Variants in FGF14 observed in about 807,000 individuals in gnomAD.
FGF14 encodes the protein fibroblast growth factor 14.
FGF14 carries 5 observed loss-of-function variants against 25.5 expected under a neutral mutation model. The observed-to-expected ratio is 0.20, with a 90% CI of 0.10 to 0.41. FGF14 has a LOEUF of 0.41. FGF14 is among the 10% of genes least tolerant of loss of function. The pLI is 1.00. For synonymous variants in FGF14, 138 were observed against 118.3 expected (o/e 1.17, Z -1.08); for missense variants, 222 against 320.1 (o/e 0.69, Z 2.34).
chr13:101,943,820 A>ATATATATATATAT (rs1555324427), intron 1 of FGF14, among the ~76,000 whole-genome samples: 10 of 121,182 alleles, frequency 8.3e-5, no homozygotes, highest in African/African-American at 4.3e-4. Context: ...CTTAAAAAAA[A>ATATATATATATAT]AAAAAAATAT....
At chr13:102,055,737 C>T (rs2124993) in intron 1 of FGF14, among the ~76,000 whole-genome samples, 14,067 of 152,208 alleles carry the variant, frequency 0.092, 1,093 homozygotes, top group East Asian at 0.28. Context: ...CAGACCCAGC[C>T]TGCCTATTTT....
intron 1 of FGF14, among the ~76,000 whole-genome samples, chr13:102,338,345 G>A (rs2056848234): frequency 6.6e-6 from 1 of 152,172 alleles, no homozygotes; most frequent in Non-Finnish European, 1.5e-5. Flanking sequence ...AGCTTAGGAT[G>A]TAAACAGTTA....
intron 1 of FGF14, among the ~76,000 whole-genome samples, chr13:101,929,559 C>T (rs147160046): frequency 7.9e-4 from 120 of 152,246 alleles, no homozygotes; most frequent in South Asian, 5.4e-3. Flanking sequence ...AGCTATTTTC[C>T]ACATAGGTTT....
At chr13:101,834,414 A>G (rs2140293805) in intron 3 of FGF14, among the ~76,000 whole-genome samples, 1 of 152,226 alleles carries the variant, frequency 6.6e-6, no homozygotes, top group East Asian at 1.9e-4. Context: ...CCATAGCTAC[A>G]GAGAGTCACT....
At chr13:102,275,262 T>TCCCTCTCTC (rs1555391875) in intron 1 of FGF14, among the ~76,000 whole-genome samples, 1 of 68,916 alleles carries the variant, frequency 1.5e-5, no homozygotes, top group African/African-American at 5.0e-5. Context: ...CTCTCTCTCT[T>TCCCTCTCTC]TCTCTCTCTC....
intron 1 of FGF14, among the ~76,000 whole-genome samples, chr13:102,388,598 G>A (rs1401188817): frequency 6.6e-6 from 1 of 152,146 alleles, no homozygotes; most frequent in East Asian, 1.9e-4. Flanking sequence ...GTATGCCTTC[G>A]ATTCATCCCT....
At chr13:102,068,654 G>C (rs2043009952) in intron 1 of FGF14, among the ~76,000 whole-genome samples, 1 of 152,220 alleles carries the variant, frequency 6.6e-6, no homozygotes, top group Non-Finnish European at 1.5e-5. Flanking sequence ...TCCCCCAGCA[G>C]TGCCAGCCCA....
chr13:102,197,300 A>G (rs1456063833), intron 1 of FGF14, among the ~76,000 whole-genome samples: 1 of 152,182 alleles, frequency 6.6e-6, no homozygotes, highest in African/African-American at 2.4e-5. Flanking sequence ...AACAATTTCA[A>G]GACCCAGAGC....
At chr13:102,137,760 T>C (rs867456863) in intron 1 of FGF14, among the ~76,000 whole-genome samples, 2 of 152,088 alleles carry the variant, frequency 1.3e-5, no homozygotes, top group Non-Finnish European at 2.9e-5. Flanking sequence ...TCTTGTACTA[T>C]TGTGTTATTG....
At chr13:102,283,876 T>G (rs75884941) in intron 1 of FGF14, among the ~76,000 whole-genome samples, 3,057 of 152,312 alleles carry the variant, frequency 0.02, 106 homozygotes, top group African/African-American at 0.069. Context: ...TCTCATTTCC[T>G]CTGTAAAATG....
intron 1 of FGF14, among the ~76,000 whole-genome samples, chr13:102,143,096 C>A (rs1406339723): frequency 6.6e-6 from 1 of 152,134 alleles, no homozygotes; most frequent in African/African-American, 2.4e-5. Flanking sequence ...CAGAAAATGG[C>A]AATTATGACA....
In FGF14 at chr13:101,719,138, T is replaced by C. The variant is rs1408713108; in HGVS notation, c.*3693A>G. ...TGTATCAAATATTAATGATCCATAA[T>C]ATTAGGGAGATAATTTTAAATGAAG... is the stretch of plus-strand genomic sequence containing the variant. On this transcript the variant is annotated 3_prime_UTR_variant, in exon 5 of 5. Transcript: ENST00000376143. 1 of 152,052 alleles carries C rather than the reference T, an allele frequency of 6.6e-6. No homozygotes were observed. The highest frequency in any genetic ancestry group is 1.5e-5 in the Non-Finnish European group (1 of 67,998). The allele number at this position is 152,052 out of a possible 1,614,324, so 9.4% of individuals were successfully genotyped here. A position where few individuals can be genotyped will look rare whatever the true frequency, so the allele number is the denominator to read the frequency against.
intron 1 of FGF14, among the ~76,000 whole-genome samples, chr13:101,906,067 G>A (rs1468382683): frequency 6.6e-6 from 1 of 152,158 alleles, no homozygotes; most frequent in Non-Finnish European, 1.5e-5. Flanking sequence ...CATCAGGTAT[G>A]AAACCAAGAA....
At chr13:102,119,539 T>G (rs2045623311) in intron 1 of FGF14, among the ~76,000 whole-genome samples, 1 of 152,186 alleles carries the variant, frequency 6.6e-6, no homozygotes, top group Admixed American at 6.5e-5. Context: ...GGTATGTGAC[T>G]ATGTCAGTGG....
intron 3 of FGF14, among the ~76,000 whole-genome samples, chr13:101,863,757 G>C (rs555201884): frequency 6.6e-6 from 1 of 152,246 alleles, no homozygotes; most frequent in African/African-American, 2.4e-5. Flanking sequence ...GCAACGAAGA[G>C]AGGAATAAAT....
chr13:102,177,131 T>C (rs986885268), intron 1 of FGF14, among the ~76,000 whole-genome samples: 1 of 152,194 alleles, frequency 6.6e-6, no homozygotes, highest in Non-Finnish European at 1.5e-5. Context: ...CACACGTTCA[T>C]TGATGCTTAC....
At chr13:102,058,174 C>T (rs1291766566) in intron 1 of FGF14, among the ~76,000 whole-genome samples, 1 of 152,168 alleles carries the variant, frequency 6.6e-6, no homozygotes, top group Non-Finnish European at 1.5e-5. Context: ...CAACATGTCT[C>T]CTGCTTATAT....
At position 101,715,980 on chromosome 13, in the gene FGF14, G is replaced by A. The variant is rs2034703658; in HGVS notation, c.*6851C>T. On this transcript the variant is annotated 3_prime_UTR_variant, in exon 5 of 5. Coordinates refer to ENST00000376143, the MANE Select transcript of FGF14 (RefSeq NM_004115.4). Reference sequence around the variant, plus strand: ...GGGTCGGGTAGGAAGGTATGCTGCAGACATTTGGTGGGTAGAGGCCAGGGA... The same window carrying A: ...GGGTCGGGTAGGAAGGTATGCTGCAAACATTTGGTGGGTAGAGGCCAGGGA... 3.6e-6 allele frequency: 1 copy of A among 280,726 alleles called. No individual in the cohort carries two copies. The highest frequency in any genetic ancestry group is 3.9e-5 in the South Asian group (1 of 25,346). The allele number at this position is 280,726 out of a possible 1,614,324, so 17.4% of individuals were successfully genotyped here.
At chr13:102,157,957 A>G (rs1163886573) in intron 1 of FGF14, among the ~76,000 whole-genome samples, 1 of 152,236 alleles carries the variant, frequency 6.6e-6, no homozygotes, top group Admixed American at 6.5e-5. Flanking sequence ...AATGCAAATC[A>G]AAACCATAAT....
Sources: allele counts gnomAD v4.1 joint callset (sites outside exome capture counted in the v4.1 genomes callset), GRCh38; gene constraint gnomAD v4.1.1; transcripts MANE v1.5; gene names NCBI Gene and HGNC (gene_info 2026-07-23, HGNC 2026-07-21).